PLCL2: variants seen among roughly 807,000 people sequenced by gnomAD.
PLCL2 encodes the protein inactive phospholipase C-like protein 2.
PLCL2 carries 4 observed loss-of-function variants against 79.6 expected under a neutral mutation model. That is an observed-to-expected ratio of 0.05 (90% confidence interval 0.02 to 0.11). The LOEUF (loss-of-function observed/expected upper bound fraction) is 0.11. Ranked by LOEUF, PLCL2 falls within the 10% of genes least tolerant of loss-of-function variation. The pLI, the probability that PLCL2 is intolerant of heterozygous loss-of-function variation, is 1.00. For missense variants in PLCL2, 895 were observed against 1,291.0 expected (o/e 0.69, Z 4.70); for synonymous variants, 484 against 457.7 (o/e 1.06, Z -0.73).
At chr3:17,019,872 T>A (rs1301809190) in intron 3 of PLCL2, among the ~76,000 whole-genome samples, 1 of 152,222 alleles carries the variant, frequency 6.6e-6, no homozygotes, top group Non-Finnish European at 1.5e-5. Context: ...TTGAGCTTGT[T>A]CGCTCATGTA....
In PLCL2 at chr3:16,966,955, G is replaced by C. The variant is rs116815872; in HGVS notation, c.328-42719G>C. Among the ~76,000 whole-genome samples, 968 of 152,072 alleles carry C rather than the reference G, an allele frequency of 6.4e-3. 12 individuals are homozygous for C. The highest frequency in any genetic ancestry group is 0.022 in the African/African-American group (926 of 41,472). On this transcript the variant is annotated intron_variant, in intron 1 of 5. Coordinates refer to ENST00000615277, the MANE Select transcript of PLCL2 (RefSeq NM_001144382.2). ...CACCCTGAATTAGGCCCTGGTGCCT[G>C]TTCTTCCCTTCTGTGTATCCCTCTG... is the stretch of plus-strand genomic sequence containing the variant.
intron 1 of PLCL2, among the ~76,000 whole-genome samples, chr3:16,997,948 T>TC (rs2064170631): frequency 6.6e-6 from 1 of 152,216 alleles, no homozygotes; most frequent in Non-Finnish European, 1.5e-5. Context: ...GATCACATAA[T>TC]AAATTGTCAG....
intron 3 of PLCL2, among the ~76,000 whole-genome samples, chr3:17,033,068 C>T (rs901159721): frequency 6.6e-5 from 10 of 152,108 alleles, no homozygotes; most frequent in Admixed American, 3.3e-4. Context: ...AAATGTAGTA[C>T]ATAAGAGGTT....
chr3:17,063,252 C>CCCTTCCTCCCTCCCTCCCTCCCTGCCTG (rs1559536600), intron 4 of PLCL2, among the ~76,000 whole-genome samples: 24 of 4,072 alleles, frequency 5.9e-3, no homozygotes, highest in African/African-American at 9.6e-3. Flanking sequence ...CTGCCTTCCT[C>CCCTTCCTCCCTCCCTCCCTCCCTGCCTG]CCTTCCTCCC....
At chr3:16,946,365 A>G (rs1264230690) in intron 1 of PLCL2, among the ~76,000 whole-genome samples, 1 of 151,792 alleles carries the variant, frequency 6.6e-6, no homozygotes, top group Non-Finnish European at 1.5e-5. Flanking sequence ...TTTTCTTCAT[A>G]TACTAGATGG....
chr3:17,028,851 C>T (rs532234867), intron 3 of PLCL2, among the ~76,000 whole-genome samples: 42 of 152,190 alleles, frequency 2.8e-4, no homozygotes, highest in Non-Finnish European at 3.1e-4. Context: ...TTCTCAGCAC[C>T]GACAGCAGAA....
At chr3:17,023,971 C>T (rs1382543487) in intron 3 of PLCL2, among the ~76,000 whole-genome samples, 1 of 152,184 alleles carries the variant, frequency 6.6e-6, no homozygotes, top group Non-Finnish European at 1.5e-5. Context: ...GTTGAAGCCA[C>T]CCAGCCTGCA....
intron 1 of PLCL2, among the ~76,000 whole-genome samples, chr3:16,919,814 T>G (rs1308188033): frequency 2.6e-5 from 4 of 152,160 alleles, no homozygotes. Context: ...CATGCATAAG[T>G]GTTCTTCTTG....
At chr3:17,045,048 C>T (rs2124922981) in intron 4 of PLCL2, among the ~76,000 whole-genome samples, 1 of 152,240 alleles carries the variant, frequency 6.6e-6, no homozygotes, top group African/African-American at 2.4e-5. Context: ...TCTGTTATCC[C>T]AAGTACTTAT....
chr3:16,968,223 T>G (rs1406559583), intron 1 of PLCL2, among the ~76,000 whole-genome samples: 1 of 152,042 alleles, frequency 6.6e-6, no homozygotes, highest in African/African-American at 2.4e-5. Flanking sequence ...TTTATTTGCT[T>G]AGGTTCAACA....
intron 1 of PLCL2, among the ~76,000 whole-genome samples, chr3:16,953,249 T>G (rs1485242740): frequency 6.6e-6 from 1 of 152,162 alleles, no homozygotes; most frequent in African/African-American, 2.4e-5. Flanking sequence ...ATTATAATTT[T>G]CTGGAGTAAT....
intron 5 of PLCL2, among the ~76,000 whole-genome samples, chr3:17,082,049 C>G (rs2065167278): frequency 1.3e-5 from 2 of 151,698 alleles, no homozygotes; most frequent in African/African-American, 2.4e-5. Context: ...CAGTGGGTGG[C>G]AGTGTTTTAA....
At chr3:16,973,661 C>T (rs1327492033) in intron 1 of PLCL2, among the ~76,000 whole-genome samples, 1 of 152,200 alleles carries the variant, frequency 6.6e-6, no homozygotes, top group African/African-American at 2.4e-5. Context: ...AGACTGCTAA[C>T]TTAAATACCT....
chr3:17,063,859 G>T (rs2064981844), intron 4 of PLCL2, among the ~76,000 whole-genome samples: 1 of 152,184 alleles, frequency 6.6e-6, no homozygotes, highest in South Asian at 2.1e-4. Flanking sequence ...TGTAATTAAA[G>T]TGCAAGGAGT....
At chr3:17,004,733 A>G (rs772556120) in intron 1 of PLCL2, among the ~76,000 whole-genome samples, 5 of 152,138 alleles carry the variant, frequency 3.3e-5, no homozygotes, top group Admixed American at 6.6e-5. Flanking sequence ...AAGAAAGGTC[A>G]GGCCTTGCTG....
At chr3:17,038,365 T>TA (rs1437787609) in intron 3 of PLCL2, among the ~76,000 whole-genome samples, 1 of 152,232 alleles carries the variant, frequency 6.6e-6, no homozygotes, top group East Asian at 1.9e-4. Flanking sequence ...TGCCAAGACT[T>TA]ACACCTGTGT....
chr3:17,024,491 T>G (rs1434682878), intron 3 of PLCL2, among the ~76,000 whole-genome samples: 1 of 152,192 alleles, frequency 6.6e-6, no homozygotes, highest in Non-Finnish European at 1.5e-5. Flanking sequence ...CTAGGATCTG[T>G]GCAGTATCTT....
intron 3 of PLCL2, among the ~76,000 whole-genome samples, chr3:17,030,871 A>T (rs2064573762): frequency 6.6e-6 from 1 of 152,218 alleles, no homozygotes; most frequent in Non-Finnish European, 1.5e-5. Context: ...ACCTTCTGTT[A>T]ATTAGGAGTT....
intron 4 of PLCL2, among the ~76,000 whole-genome samples, chr3:17,063,684 C>T (rs947335199): frequency 6.6e-6 from 1 of 152,138 alleles, no homozygotes; most frequent in Non-Finnish European, 1.5e-5. Context: ...AGACCCTCCT[C>T]ACATGCTCTT....
Sources: allele counts gnomAD v4.1 joint callset (sites outside exome capture counted in the v4.1 genomes callset), GRCh38; gene constraint gnomAD v4.1.1; transcripts MANE v1.5; gene names NCBI Gene and HGNC (gene_info 2026-07-23, HGNC 2026-07-21).